Variants in FNBP1 observed in about 807,000 individuals in gnomAD.
FNBP1 encodes formin binding protein 1.
In FNBP1, 26 loss-of-function variants were observed where a neutral mutation model predicts 90.6. The observed-to-expected ratio is 0.29, with a 90% CI of 0.21 to 0.40. The LOEUF (loss-of-function observed/expected upper bound fraction) is 0.40, where lower values mean the gene tolerates loss of function less well. Among genes scored for constraint, FNBP1 ranks in the 10% least tolerant of loss-of-function variants. FNBP1 has a pLI of 1.00. For missense variants in FNBP1, 635 were observed against 768.0 expected, an observed-to-expected ratio of 0.83 and a Z score of 2.05; for synonymous variants, 260 against 265.2, an observed-to-expected ratio of 0.98 and a Z score of 0.19.
At chr9:129,928,618 G>A (rs1203332582) in intron 7 of FNBP1, among the ~76,000 whole-genome samples, 1 of 151,062 alleles carries the variant, frequency 6.6e-6, no homozygotes, top group Non-Finnish European at 1.5e-5. Flanking sequence ...CTGAGATCAT[G>A]CCACTGCATT....
intron 2 of FNBP1, among the ~76,000 whole-genome samples, chr9:129,983,700 A>C (rs957111821): frequency 4.6e-5 from 7 of 152,098 alleles, no homozygotes; most frequent in Non-Finnish European, 1.0e-4. Context: ...AGCCCCAGCT[A>C]CTTGGGAGGG....
intron 11 of FNBP1, chr9:129,910,184 AAG>A (rs900585275): frequency 3.1e-5 from 14 of 456,202 alleles, no homozygotes; most frequent in African/African-American, 1.0e-4. Context: ...TATGTTCATA[AAG>A]AGAGAGAAAT....
chr9:130,000,303 TA>T (rs1415176111), intron 1 of FNBP1, among the ~76,000 whole-genome samples: 3 of 152,018 alleles, frequency 2.0e-5, no homozygotes, highest in African/African-American at 7.2e-5. Flanking sequence ...CCAGCCTGGC[TA>T]ACATGGTGAA....
intron 1 of FNBP1, among the ~76,000 whole-genome samples, chr9:129,996,312 G>C (rs1334025192): frequency 6.6e-6 from 1 of 152,132 alleles, no homozygotes; most frequent in East Asian, 1.9e-4. Context: ...TAGCAAAGAG[G>C]GCCTGGCCCA....
At chr9:130,051,248 G>A in the FNBP1 span, among the ~76,000 whole-genome samples, 1 of 151,624 alleles carries the variant, frequency 6.6e-6, no homozygotes, top group Admixed American at 6.6e-5. Flanking sequence ...TGTTGCCCAG[G>A]CTGGTGGCAA....
intron 12 of FNBP1, among the ~76,000 whole-genome samples, chr9:129,907,835 TC>T (rs1336719400): frequency 6.6e-6 from 1 of 151,734 alleles, no homozygotes; most frequent in Non-Finnish European, 1.5e-5. Flanking sequence ...TTCATGCCAT[TC>T]TCCTGTCTCA....
intron 1 of FNBP1, among the ~76,000 whole-genome samples, chr9:130,040,383 C>CT (rs2059714153): frequency 6.6e-6 from 1 of 152,152 alleles, no homozygotes; most frequent in East Asian, 1.9e-4. Context: ...CTTTGGGAGG[C>CT]TGAGGCAGGC....
At chr9:129,914,759 A>ATATATG (rs1242230297) in intron 11 of FNBP1, among the ~76,000 whole-genome samples, 2 of 60,012 alleles carry the variant, frequency 3.3e-5, no homozygotes, top group East Asian at 3.6e-4. Flanking sequence ...ACATATGTCT[A>ATATATG]TATATATATA....
intron 1 of FNBP1, among the ~76,000 whole-genome samples, chr9:130,000,000 G>C (rs1160345116): frequency 6.6e-6 from 1 of 152,170 alleles, no homozygotes; most frequent in African/African-American, 2.4e-5. Flanking sequence ...TTTTAGATCA[G>C]TGCAGACATT....
At chr9:129,984,717 G>A (rs1399413821) in intron 2 of FNBP1, among the ~76,000 whole-genome samples, 1 of 152,010 alleles carries the variant, frequency 6.6e-6, no homozygotes, top group Admixed American at 6.6e-5. Flanking sequence ...GACCCAGGGG[G>A]AAGTAATTGA....
At chr9:129,905,810 T>C (rs1028051720) in intron 12 of FNBP1, among the ~76,000 whole-genome samples, 5 of 152,208 alleles carry the variant, frequency 3.3e-5, no homozygotes, top group African/African-American at 1.2e-4. Flanking sequence ...AGTTCAATTC[T>C]ATTTCATATA....
intron 2 of FNBP1, among the ~76,000 whole-genome samples, chr9:129,994,478 C>T (rs558608285): frequency 7.9e-5 from 12 of 152,192 alleles, no homozygotes; most frequent in Admixed American, 5.2e-4. Flanking sequence ...CCTGGGTGCC[C>T]GGTTACATGA....
At chr9:129,996,208 T>A (rs773757569) in intron 1 of FNBP1, among the ~76,000 whole-genome samples, 1 of 152,018 alleles carries the variant, frequency 6.6e-6, no homozygotes, top group Non-Finnish European at 1.5e-5. Flanking sequence ...CACAGAAGGA[T>A]TTAGAACTCA....
intron 6 of FNBP1, among the ~76,000 whole-genome samples, chr9:129,942,652 C>G (rs566546232): frequency 6.6e-6 from 1 of 152,208 alleles, no homozygotes; most frequent in African/African-American, 2.4e-5. Context: ...TCCAGCAGGG[C>G]CACTTTAGGC....
intron 1 of FNBP1, among the ~76,000 whole-genome samples, chr9:130,029,862 T>C (rs981581017): frequency 1.3e-5 from 2 of 151,958 alleles, no homozygotes; most frequent in African/African-American, 4.8e-5. Context: ...TGCCGGCCTG[T>C]AGTCCCAGCT....
intron 2 of FNBP1, among the ~76,000 whole-genome samples, chr9:129,992,549 C>CTTTT (rs11455680): frequency 9.6e-4 from 89 of 92,554 alleles, no homozygotes; most frequent in East Asian, 1.9e-3. Flanking sequence ...ACACATAGCT[C>CTTTT]TTTTTTTTTT....
At chr9:129,939,588 T>A (rs1458911672) in intron 6 of FNBP1, among the ~76,000 whole-genome samples, 4 of 151,800 alleles carry the variant, frequency 2.6e-5, no homozygotes, top group African/African-American at 9.7e-5. Flanking sequence ...AGCTGTGGAG[T>A]GGGGGAAGAG....
At chr9:129,986,162 G>C (rs147809362) in intron 2 of FNBP1, among the ~76,000 whole-genome samples, 6 of 151,658 alleles carry the variant, frequency 4.0e-5, no homozygotes, top group African/African-American at 1.5e-4. Flanking sequence ...ATAAATATAA[G>C]CAAAGTGAAA....
At chr9:129,999,930 GAAA>G (rs2054584017) in intron 1 of FNBP1, among the ~76,000 whole-genome samples, 1 of 152,006 alleles carries the variant, frequency 6.6e-6, no homozygotes, top group East Asian at 1.9e-4. Context: ...TGAAATATGT[GAAA>G]AAAACACAAC....
Sources: gnomAD v4.1 joint callset for allele counts (sites outside exome capture counted in the v4.1 genomes callset) on GRCh38, gnomAD v4.1.1 for gene constraint, MANE v1.5 for transcripts, NCBI Gene and HGNC (gene_info 2026-07-23, HGNC 2026-07-21) for gene names.